Variants in CTNNA3 observed in about 807,000 individuals in gnomAD.
CTNNA3 encodes the protein catenin alpha 3.
In CTNNA3, 76 loss-of-function variants were observed where a neutral mutation model predicts 95.7. The observed-to-expected ratio is 0.79, with a 90% CI of 0.66 to 0.96. CTNNA3 has a LOEUF of 0.96. Ranked by LOEUF, CTNNA3 falls within the 40% of genes least tolerant of loss-of-function variation. The pLI, the probability that CTNNA3 is intolerant of heterozygous loss-of-function variation, is 0.00. For synonymous variants in CTNNA3, 431 were observed against 374.4 expected (o/e 1.15, Z -1.74); for missense variants, 1,191 against 1,089.8 (o/e 1.09, Z -1.31).
At chr10:67,327,328 T>G (rs552869029) in intron 5 of CTNNA3, among the ~76,000 whole-genome samples, 59 of 152,236 alleles carry the variant, frequency 3.9e-4, no homozygotes, top group Non-Finnish European at 7.6e-4. Flanking sequence ...AGGGTTCTTG[T>G]GCTGATTCCT....
rs530330415 is a variant in CTNNA3, at chr10:67,402,596, G to A, written c.579+119246C>T. Among the ~76,000 whole-genome samples the A allele has an allele frequency of 9.3e-4, 141 of 152,304 alleles. 1 individual carries two copies. The highest frequency in any genetic ancestry group is 3.1e-3 in the African/African-American group (130 of 41,568). Reference sequence around the variant, plus strand: ...AAAACAGAGAAAAGTAGGGCAGGATGATAGCCCACCTGGAAGTGACGCAAA... The same window carrying A: ...AAAACAGAGAAAAGTAGGGCAGGATAATAGCCCACCTGGAAGTGACGCAAA... On this transcript the variant is annotated intron_variant, in intron 5 of 17. Transcript: ENST00000433211.
At chr10:66,727,561 T>C (rs753950469) in intron 9 of CTNNA3, among the ~76,000 whole-genome samples, 6 of 152,144 alleles carry the variant, frequency 3.9e-5, no homozygotes, top group Non-Finnish European at 5.9e-5. Flanking sequence ...CATTCTTTGA[T>C]ATTAATAATT....
chr10:66,510,784 C>A (rs372055934), intron 11 of CTNNA3, among the ~76,000 whole-genome samples: 4 of 151,820 alleles, frequency 2.6e-5, no homozygotes, highest in African/African-American at 9.6e-5. Context: ...CTGTTGGGTT[C>A]TATTTTCTAG....
intron 5 of CTNNA3, among the ~76,000 whole-genome samples, chr10:67,434,873 G>C (rs568605408): frequency 1.1e-4 from 16 of 152,074 alleles, no homozygotes; most frequent in African/African-American, 3.6e-4. Context: ...AAGTATTACT[G>C]TTTCATATCT....
intron 5 of CTNNA3, among the ~76,000 whole-genome samples, chr10:67,494,127 C>T (rs776880360): frequency 1.6e-4 from 25 of 152,108 alleles, no homozygotes; most frequent in Non-Finnish European, 2.9e-4. Flanking sequence ...GATGCTGAAA[C>T]CCAGCTATCC....
intron 13 of CTNNA3, among the ~76,000 whole-genome samples, chr10:66,193,367 T>C (rs572165145): frequency 6.6e-6 from 1 of 152,234 alleles, no homozygotes; most frequent in East Asian, 1.9e-4. Context: ...AGCAAGTGGA[T>C]AGTCTGTTTC....
intron 15 of CTNNA3, among the ~76,000 whole-genome samples, chr10:66,010,757 G>A (rs1383738688): frequency 6.6e-6 from 1 of 152,156 alleles, no homozygotes; most frequent in East Asian, 1.9e-4. Flanking sequence ...GGGAAAGTGT[G>A]TCAGGCCAGG....
At chr10:67,200,040 G>C (rs1473758630) in intron 6 of CTNNA3, among the ~76,000 whole-genome samples, 3 of 152,092 alleles carry the variant, frequency 2.0e-5, no homozygotes, top group African/African-American at 7.2e-5. Context: ...AATTGAATAT[G>C]AAGGCCAAAA....
intron 15 of CTNNA3, among the ~76,000 whole-genome samples, chr10:65,996,379 T>C (rs2078660451): frequency 6.6e-6 from 1 of 152,102 alleles, no homozygotes; most frequent in Non-Finnish European, 1.5e-5. Context: ...GTGTGTTCTA[T>C]AGTGCTGAGG....
intron 10 of CTNNA3, among the ~76,000 whole-genome samples, chr10:66,583,073 C>A (rs752505282): frequency 3.3e-5 from 5 of 151,658 alleles, no homozygotes; most frequent in Non-Finnish European, 7.4e-5. Context: ...CATCTATATT[C>A]ATCAGAGATT....
intron 17 of CTNNA3, among the ~76,000 whole-genome samples, chr10:65,955,592 C>T (rs1441503713): frequency 6.6e-6 from 1 of 152,118 alleles, no homozygotes; most frequent in Non-Finnish European, 1.5e-5. Flanking sequence ...GAGTTTTTAG[C>T]ATGAAGTGCT....
At chr10:66,049,875 G>A (rs1012483783) in intron 15 of CTNNA3, among the ~76,000 whole-genome samples, 26 of 152,012 alleles carry the variant, frequency 1.7e-4, no homozygotes, top group African/African-American at 5.1e-4. Flanking sequence ...GAAATAATAC[G>A]TACAACAAAC....
At chr10:66,587,541 C>T (rs540412568) in intron 10 of CTNNA3, among the ~76,000 whole-genome samples, 2 of 152,226 alleles carry the variant, frequency 1.3e-5, no homozygotes, top group Admixed American at 1.3e-4. Context: ...CTTGCTCTGG[C>T]TCCTCACATG....
intron 9 of CTNNA3, among the ~76,000 whole-genome samples, chr10:66,680,511 T>C (rs1287074719): frequency 2.6e-5 from 4 of 152,182 alleles, no homozygotes; most frequent in Non-Finnish European, 5.9e-5. Flanking sequence ...GATTGGTATG[T>C]ATGAATGAAC....
At chr10:67,598,583 C>G (rs1279332245) in intron 3 of CTNNA3, among the ~76,000 whole-genome samples, 1 of 152,070 alleles carries the variant, frequency 6.6e-6, no homozygotes, top group Non-Finnish European at 1.5e-5. Context: ...GCTATCTTGG[C>G]TCCTCCCAAA....
intron 9 of CTNNA3, among the ~76,000 whole-genome samples, chr10:66,632,615 C>G (rs1845184345): frequency 7.0e-6 from 1 of 143,120 alleles, no homozygotes; most frequent in South Asian, 2.2e-4. Context: ...ATTAAAAACA[C>G]AAAAATTTAG....
intron 17 of CTNNA3, among the ~76,000 whole-genome samples, chr10:65,961,416 C>T (rs2077840207): frequency 6.6e-6 from 1 of 152,116 alleles, no homozygotes; most frequent in Non-Finnish European, 1.5e-5. Flanking sequence ...AAGGCTAAGC[C>T]AACCTGCATA....
intron 11 of CTNNA3, among the ~76,000 whole-genome samples, chr10:66,410,079 T>C (rs1039973803): frequency 6.6e-6 from 1 of 152,230 alleles, no homozygotes; most frequent in Non-Finnish European, 1.5e-5. Flanking sequence ...AATACATCTA[T>C]ATTTTTAAAA....
chr10:66,230,148 T>A (rs2089516986), intron 13 of CTNNA3, among the ~76,000 whole-genome samples: 1 of 152,200 alleles, frequency 6.6e-6, no homozygotes, highest in Non-Finnish European at 1.5e-5. Context: ...TTTTCTTGGA[T>A]TGTCTATTTG....
Sources: allele counts gnomAD v4.1 joint callset (sites outside exome capture counted in the v4.1 genomes callset), GRCh38; gene constraint gnomAD v4.1.1; transcripts MANE v1.5; gene names NCBI Gene and HGNC (gene_info 2026-07-23, HGNC 2026-07-21).